IL17D: variants seen among roughly 807,000 people sequenced by gnomAD.
The protein encoded by IL17D is interleukin-17D.
In IL17D, 10 loss-of-function variants were observed where a neutral mutation model predicts 5.7. The ratio of observed to expected loss-of-function variants is 1.75; its 90% CI spans 1.08 to 2.97. The LOEUF (loss-of-function observed/expected upper bound fraction) is 2.97. Among genes scored for constraint, IL17D ranks in the 30% most tolerant of loss-of-function variants. The pLI is 0.00. For synonymous variants in IL17D, 172 were observed against 141.7 expected (o/e 1.21, Z -1.52); for missense variants, 354 against 292.7 (o/e 1.21, Z -1.53).
At chr13:20,718,645 C>A (rs1386306517) in intron 1 of IL17D, among the ~76,000 whole-genome samples, 1 of 130,948 alleles carries the variant, frequency 7.6e-6, no homozygotes, top group Non-Finnish European at 1.6e-5. Context: ...CACGCTCACA[C>A]ACCTGCCCAC....
chr13:20,704,185 C>G lies in IL17D; in HGVS notation c.184C>G (p.Pro62Ala). 2 of 1,371,934 alleles carry G rather than the reference C, an allele frequency of 1.5e-6. No homozygotes were observed. Among genetic ancestry groups the G allele is most frequent in the South Asian group, 1.5e-5 (1 of 67,408 alleles). 85.0% of individuals were successfully genotyped at this position (1,371,934 alleles called of 1,614,324 possible). A position where few individuals can be genotyped will look rare whatever the true frequency, so the allele number is the denominator to read the frequency against. The change falls in exon 1 of 2, where the codon CCG (proline) becomes GCG (alanine). Residue 62 changes from proline (P) to alanine (A), a missense_variant. By Grantham distance (27) the Pro-to-Ala change is conservative. Coordinates refer to ENST00000682841, the MANE Select transcript of IL17D (RefSeq NM_001385224.1). ...CTTCCACCACACGCTGCAGCTGGGG[C>G]CGCGTGAGCAGGCGCGCAACGCGAG... ...SAFHHTLQLG[P>A]REQARNASCP...
chr13:20,721,512 A>T, intron 1 of IL17D, 124 bp from the exon 2 acceptor site: 1 of 736,916 alleles, frequency 1.4e-6, no homozygotes, highest in Non-Finnish European at 2.1e-6. Flanking sequence ...CCTCGCACGC[A>T]CGCGCCCGCA....
At chr13:20,702,344 T>C (rs1292182326), upstream of IL17D, 1 of 152,240 alleles carries the variant, frequency 6.6e-6, no homozygotes, top group Non-Finnish European at 1.5e-5. Flanking sequence ...GTGTTTTTCC[T>C]ACAAAGCATA....
At chr13:20,704,617 C>A (rs2141380122) in intron 1 of IL17D, among the ~76,000 whole-genome samples, 1 of 152,198 alleles carries the variant, frequency 6.6e-6, no homozygotes, top group South Asian at 2.1e-4. Context: ...CCCACCACCT[C>A]CCTTGAAGGA....
At chr13:20,703,384 T>C, upstream of IL17D, 1 of 986,010 alleles carries the variant, frequency 1.0e-6, no homozygotes, top group Non-Finnish European at 1.2e-6. Flanking sequence ...GCAGAGTCGC[T>C]CTGTGTCCGT....
chr13:20,707,926 CTTTT>C (rs1427895513), intron 1 of IL17D, among the ~76,000 whole-genome samples: 1 of 152,088 alleles, frequency 6.6e-6, no homozygotes, highest in African/African-American at 2.4e-5. Context: ...TTCTTTCTTT[CTTTT>C]GAGACAGGGT....
At chr13:20,708,528 G>A (rs1173828338) in intron 1 of IL17D, among the ~76,000 whole-genome samples, 2 of 152,118 alleles carry the variant, frequency 1.3e-5, no homozygotes, top group Non-Finnish European at 2.9e-5. Context: ...CTATTTAGCT[G>A]CTCACAGTCC....
chr13:20,721,672 G>T lies in IL17D; in HGVS notation c.327G>T (p.Leu109=). The stretch of plus-strand genomic sequence containing the variant: ...ACCCGGCGAGGTACCCCAGGTACCT[G>T]CCTGAAGCCTACTGCCTGTGCCGGG... The part of the protein sequence containing the change: ...SYDPARYPRY[L]PEAYCLCRGC... The change falls in exon 2 of 2, where the codon CTG becomes CTT. Residue 109 remains leucine, a synonymous_variant. Transcript: ENST00000682841. The T allele has an allele frequency of 6.2e-7, 1 of 1,609,568 alleles. No individual in the cohort carries two copies. Among genetic ancestry groups the T allele is most frequent in the Non-Finnish European group, 8.5e-7 (1 of 1,177,968 alleles).
upstream of IL17D, chr13:20,703,243 C>T (rs545084217): frequency 1.8e-4 from 175 of 984,576 alleles, no homozygotes; most frequent in African/African-American, 2.9e-3. Flanking sequence ...CGGGTTATTC[C>T]GCTCAAGAGC....
At chr13:20,705,394 C>T (rs2058583989) in intron 1 of IL17D, among the ~76,000 whole-genome samples, 1 of 152,118 alleles carries the variant, frequency 6.6e-6, no homozygotes, top group African/African-American at 2.4e-5. Context: ...GGTGCAGGAG[C>T]TGGATCCCCG....
At chr13:20,707,667 C>T (rs764960922) in intron 1 of IL17D, among the ~76,000 whole-genome samples, 14 of 152,168 alleles carry the variant, frequency 9.2e-5, no homozygotes, top group Admixed American at 5.2e-4. Context: ...ACCACAGGTG[C>T]GCACCACCAC....
chr13:20,704,334 G>C (rs1364689977), intron 1 of IL17D, 43 bp downstream of exon 1: 1 of 1,101,244 alleles, frequency 9.1e-7, no homozygotes, highest in South Asian at 4.2e-5. Context: ...CAGGTGGGGA[G>C]GGCAGGGCTG....
intron 1 of IL17D, among the ~76,000 whole-genome samples, chr13:20,719,242 C>T (rs1303294136): frequency 1.3e-5 from 2 of 150,494 alleles, no homozygotes; most frequent in Admixed American, 6.6e-5. Flanking sequence ...TGCTTACACG[C>T]ACCTGCCCAA....
chr13:20,710,313 T>C (rs566786989), intron 1 of IL17D, among the ~76,000 whole-genome samples: 8 of 152,122 alleles, frequency 5.3e-5, no homozygotes, highest in Admixed American at 3.9e-4. Context: ...CATTCATTTA[T>C]GATGAAACCC....
intron 1 of IL17D, 80 bp from the exon 2 acceptor site, chr13:20,721,556 C>A: frequency 7.9e-7 from 1 of 1,260,060 alleles, no homozygotes; most frequent in Non-Finnish European, 1.1e-6. Flanking sequence ...AGGCCCTCCC[C>A]GGTGACTCTA....
At chr13:20,702,868 A>T (rs888166482), upstream of IL17D, 8 of 152,212 alleles carry the variant, frequency 5.3e-5, no homozygotes, top group Admixed American at 1.3e-4. Context: ...ATAGAGATTT[A>T]AAAAAACCTC....
intron 1 of IL17D, among the ~76,000 whole-genome samples, chr13:20,704,517 G>A (rs975594451): frequency 5.6e-5 from 8 of 142,886 alleles, no homozygotes; most frequent in Non-Finnish European, 1.1e-4. Context: ...CGGTAGGGTG[G>A]GGTGGGGTGC....
chr13:20,722,051 G>T lies in IL17D; in HGVS notation c.*97G>T. On this transcript the variant is annotated 3_prime_UTR_variant, in exon 2 of 2. Transcript: ENST00000682841. ...TCGGTCGGCGACCTCTGAAGAGAGT[G>T]CACCGAGCAAACCAAGTGCCGGAGC... The T allele has an allele frequency of 9.5e-7, 1 of 1,052,578 alleles. No homozygotes were observed. Among genetic ancestry groups the T allele is most frequent in the Non-Finnish European group, 1.3e-6 (1 of 755,208 alleles). The allele number at this position is 1,052,578 out of a possible 1,614,324, so 65.2% of individuals were successfully genotyped here. A position where few individuals can be genotyped will look rare whatever the true frequency, so the allele number is the denominator to read the frequency against.
chr13:20,721,082 C>A (rs986039445), intron 1 of IL17D, among the ~76,000 whole-genome samples: 1 of 152,278 alleles, frequency 6.6e-6, no homozygotes, highest in Non-Finnish European at 1.5e-5. Context: ...GCACTTGGCA[C>A]CAAATCTCCC....
Sources: gnomAD v4.1 joint callset for allele counts (sites outside exome capture counted in the v4.1 genomes callset) on GRCh38, gnomAD v4.1.1 for gene constraint, MANE v1.5 for transcripts, NCBI Gene and HGNC (gene_info 2026-07-23, HGNC 2026-07-21) for gene names.